PIEZO2: variants seen among roughly 807,000 people sequenced by gnomAD.
PIEZO2 encodes the protein piezo-type mechanosensitive ion channel component 2.
In PIEZO2, 172 loss-of-function variants were observed where a neutral mutation model predicts 337.3. The ratio of observed to expected loss-of-function variants is 0.51; its 90% CI spans 0.45 to 0.58. PIEZO2 has a LOEUF of 0.58. PIEZO2 is among the 20% of genes least tolerant of loss of function. The probability of loss-of-function intolerance (pLI) is 0.00; values close to 1 mark genes in which losing one functional copy is unlikely to be tolerated. For synonymous variants in PIEZO2, 1,251 were observed against 1,228.5 expected, an observed-to-expected ratio of 1.02 and a Z score of -0.38; for missense variants, 3,028 against 3,391.3, an observed-to-expected ratio of 0.89 and a Z score of 2.66.
chr18:11,093,731 C>T (rs560616807), intron 1 of PIEZO2, among the ~76,000 whole-genome samples: 1 of 151,590 alleles, frequency 6.6e-6, no homozygotes, highest in Admixed American at 6.6e-5. Context: ...GGACTACAGG[C>T]GCCCACCACC....
In PIEZO2 at chr18:11,047,033, A is replaced by T. The variant is rs965629597; in HGVS notation, c.160+19094T>A. Among the ~76,000 whole-genome samples the T allele has an allele frequency of 2.0e-5, 3 of 152,226 alleles. No homozygotes were observed. The highest frequency in any genetic ancestry group is 7.2e-5 in the African/African-American group (3 of 41,460). The stretch of plus-strand genomic sequence containing the variant: ...TCTAGTTTATGCAATTCAGAACTAC[A>T]GTATTAGGTTTTGGTAGCAAAACAA... On this transcript the variant is annotated intron_variant, in intron 2 of 55. Coordinates refer to ENST00000674853, the MANE Select transcript of PIEZO2 (RefSeq NM_001378183.1). This position sits in a 1 kb window ranked among gnomAD's most constrained non-coding sequence, Gnocchi z 7.2.
chr18:11,019,119 T>C (rs1471110796), intron 2 of PIEZO2, among the ~76,000 whole-genome samples: 1 of 152,178 alleles, frequency 6.6e-6, no homozygotes, highest in Non-Finnish European at 1.5e-5. Context: ...TTTCCACTGA[T>C]GTCTCCATTG....
intron 1 of PIEZO2, among the ~76,000 whole-genome samples, chr18:11,142,416 G>T (rs2040679143): frequency 6.6e-6 from 1 of 152,138 alleles, no homozygotes. Context: ...CCACGTCCTA[G>T]ACAGGTCTGG....
intron 1 of PIEZO2, among the ~76,000 whole-genome samples, chr18:11,071,418 T>C (rs1218561090): frequency 1.3e-5 from 2 of 152,266 alleles, no homozygotes; most frequent in Admixed American, 6.5e-5. Context: ...CACTGTGTGA[T>C]GGGCGTTGTC....
At position 11,126,631 on chromosome 18, in the gene PIEZO2, A is replaced by AT. The variant is rs10713072; in HGVS notation, c.64+21893dup. Among the ~76,000 whole-genome samples the AT allele has an allele frequency of 0.015, 2,202 of 145,884 alleles. 18 individuals carry two copies. The highest frequency in any genetic ancestry group is 0.027 in the Admixed American group (390 of 14,474). ...CAAGAGCAGGAGCCATGCCTTACAT[A>AT]TTTTTTTTTTTTTGTATTCCCAGAA... is the stretch of plus-strand genomic sequence containing the variant. On this transcript the variant is annotated intron_variant, in intron 1 of 55. Coordinates refer to ENST00000674853, the MANE Select transcript of PIEZO2 (RefSeq NM_001378183.1). The surrounding 1 kb of genome is among the most constrained non-coding windows in gnomAD (Gnocchi z 4.6).
At chr18:11,140,355 G>A (rs2040608452) in intron 1 of PIEZO2, among the ~76,000 whole-genome samples, 1 of 152,090 alleles carries the variant, frequency 6.6e-6, no homozygotes, top group Non-Finnish European at 1.5e-5. Context: ...CCACCTTTTG[G>A]TGCCTGTTTC....
rs2039096834 is a variant in PIEZO2, at chr18:10,783,265, G to T, written c.2492+1519C>A. Among the ~76,000 whole-genome samples, 1 of 152,084 alleles carries T rather than the reference G, an allele frequency of 6.6e-6. No individual in the cohort carries two copies. Among genetic ancestry groups the T allele is most frequent in the African/African-American group, 2.4e-5 (1 of 41,414 alleles). On this transcript the variant is annotated intron_variant, in intron 17 of 55. Transcript: ENST00000674853. This position sits in a 1 kb window ranked among gnomAD's most constrained non-coding sequence, Gnocchi z 4.3. The stretch of plus-strand genomic sequence containing the variant: ...AATTATTGAATAGGGCCCTTGAAAA[G>T]AATGGTGAGGGCTTATAGTAAATTT...
intron 9 of PIEZO2, among the ~76,000 whole-genome samples, chr18:10,802,972 CAA>C (rs71362185): frequency 7.8e-5 from 10 of 127,484 alleles, no homozygotes; most frequent in Admixed American, 3.2e-4. Context: ...ACTCTGTTGC[CAA>C]AAAAAAAAAA....
chr18:10,684,577 G>T (rs1180617821), intron 49 of PIEZO2, among the ~76,000 whole-genome samples: 3 of 151,646 alleles, frequency 2.0e-5, no homozygotes, highest in African/African-American at 4.9e-5. Context: ...AGATTCTCAT[G>T]CCTCAGCCTC....
chr18:10,983,563 G>C (rs2034750713), intron 2 of PIEZO2, among the ~76,000 whole-genome samples: 1 of 152,190 alleles, frequency 6.6e-6, no homozygotes, highest in South Asian at 2.1e-4. Context: ...GGAGCAGGGA[G>C]AAGAGAGTGC....
chr18:10,678,816 C>G (rs1598345428), intron 52 of PIEZO2, among the ~76,000 whole-genome samples: 1 of 152,152 alleles, frequency 6.6e-6, no homozygotes, highest in Non-Finnish European at 1.5e-5. Context: ...GGAAGTCTCT[C>G]TCTTCGGAGA....
At position 10,704,456 on chromosome 18, in the gene PIEZO2, C is replaced by G. The variant is rs1395344298; in HGVS notation, c.6196G>C (p.Ala2066Pro). ...CTGGGCCTGGGGACGGACAACATGG[C>G]CCAGAGGAAGATGAGGATGGGAAGC... ...LLLPILIFLWAMLSVPRPSRR... is the reference protein window; with the variant it reads ...LLLPILIFLWPMLSVPRPSRR... Residue 2066 changes from alanine to proline, a missense_variant, in exon 42 of 56, where the codon GCC becomes CCC. Physicochemically the swap from Ala to Pro is conservative, Grantham distance 27 (BLOSUM62 -1). This residue lies in a region of PIEZO2 where 1,925 missense variants were observed against 2,051.9 expected (regional missense o/e 0.94). Transcript: ENST00000674853. 1.2e-5 allele frequency: 19 copies of G among 1,537,046 alleles called. No homozygotes were observed. The highest frequency in any genetic ancestry group is 1.7e-5 in the Non-Finnish European group (19 of 1,146,906).
Position 10,784,843 on chromosome 18 carries a change from C to T in PIEZO2, c.2433G>A (p.Arg811=). The change falls in exon 17 of 56, where the codon CGG becomes CGA. Residue 811 remains arginine, a synonymous_variant. Transcript: ENST00000674853. The surrounding 1 kb of genome is among the most constrained non-coding windows in gnomAD (Gnocchi z 4.5). ...CILHLHYFHD[R]FLELTDLKSI... is the part of the protein sequence containing the mutation. ...ACTTGAGGTCTGTGAGTTCAAGGAA[C>T]CGGTCATGGAAGTAGTGCAGGTGTA... The T allele has an allele frequency of 6.5e-7, 1 of 1,537,616 alleles. No individual in the cohort carries two copies. The highest frequency in any genetic ancestry group is 8.7e-7 in the Non-Finnish European group (1 of 1,146,940).
At position 10,838,965 on chromosome 18, in the gene PIEZO2, T is replaced by A. The variant is rs560020720; in HGVS notation, c.917+16388A>T. 2.6e-5 allele frequency among the ~76,000 whole-genome samples: 4 copies of A among 152,266 alleles called. No individual in the cohort carries two copies. In the East Asian group the frequency reaches 7.7e-4, roughly 29 times the overall value. On this transcript the variant is annotated intron_variant, in intron 7 of 55. Coordinates refer to ENST00000674853, the MANE Select transcript of PIEZO2 (RefSeq NM_001378183.1). ...ACCCACAAATATAATTTCCCCTAAA[T>A]AGCTATAATATAAATATGGGTTTAG...
At position 11,148,628 on chromosome 18, in the gene PIEZO2, G is replaced by C. The variant is rs1272062282; in HGVS notation, c.-40C>G. 1.1e-5 allele frequency: 17 copies of C among 1,534,998 alleles called. No homozygotes were observed. Among genetic ancestry groups the C allele is most frequent in the Admixed American group, 2.0e-5 (1 of 50,972 alleles). ...GAGTCGGAGCAGAGGGGCGAGGCTC[G>C]AGGGTCCCTAGGGGTGGTGGGACGC... On this transcript the variant is annotated 5_prime_UTR_variant, in exon 1 of 56. Coordinates refer to ENST00000674853, the MANE Select transcript of PIEZO2 (RefSeq NM_001378183.1). The surrounding 1 kb of genome is among the most constrained non-coding windows in gnomAD (Gnocchi z 5.2).
At chr18:10,891,670 T>G (rs1169993723) in intron 4 of PIEZO2, among the ~76,000 whole-genome samples, 2 of 152,204 alleles carry the variant, frequency 1.3e-5, no homozygotes, top group Non-Finnish European at 2.9e-5. Context: ...TTCAGAGCAT[T>G]GCAATTTTGA....
intron 4 of PIEZO2, among the ~76,000 whole-genome samples, chr18:10,874,311 A>C (rs879816982): frequency 1.3e-5 from 2 of 152,092 alleles, no homozygotes; most frequent in Non-Finnish European, 2.9e-5. Context: ...AAAAGACAAA[A>C]AAAAATGCTG....
At position 11,104,076 on chromosome 18, in the gene PIEZO2, A is replaced by C. The variant is rs1262656712; in HGVS notation, c.65-37854T>G. Among the ~76,000 whole-genome samples the C allele has an allele frequency of 6.6e-6, 1 of 152,202 alleles. No homozygotes were observed. Among genetic ancestry groups the C allele is most frequent in the East Asian group, 1.9e-4 (1 of 5,192 alleles). On this transcript the variant is annotated intron_variant, in intron 1 of 55. Coordinates refer to ENST00000674853, the MANE Select transcript of PIEZO2 (RefSeq NM_001378183.1). The surrounding 1 kb of genome is among the most constrained non-coding windows in gnomAD (Gnocchi z 4.6). ...CATGTCTTCATTTCCAGTTGAAGAC[A>C]ATAGTGTAATAGGATGTTAAAATTG...
chr18:10,910,804 T>C (rs1335826849), intron 4 of PIEZO2, among the ~76,000 whole-genome samples: 1 of 152,078 alleles, frequency 6.6e-6, no homozygotes, highest in Non-Finnish European at 1.5e-5. Flanking sequence ...AAGACATCAA[T>C]AGAAATATAA....
Sources: gnomAD v4.1 joint callset for allele counts (sites outside exome capture counted in the v4.1 genomes callset) on GRCh38, gnomAD v4.1.1 for gene constraint, gnomAD v4.1.1 regional missense constraint, Gnocchi (gnomAD v3.1) non-coding constraint, MANE v1.5 for transcripts, NCBI Gene and HGNC (gene_info 2026-07-23, HGNC 2026-07-21) for gene names.